ZNF385D: variants seen among roughly 807,000 people sequenced by gnomAD.
ZNF385D encodes zinc finger protein 659.
A neutral mutation model predicts 35.8 loss-of-function variants in ZNF385D; 15 were observed. The observed-to-expected ratio is 0.42, with a 90% CI of 0.28 to 0.64. ZNF385D has a LOEUF of 0.64. ZNF385D is among the 30% of genes least tolerant of loss of function. ZNF385D has a pLI of 0.23. For synonymous variants in ZNF385D, 212 were observed against 186.8 expected (o/e 1.13, Z -1.10); for missense variants, 474 against 494.6 (o/e 0.96, Z 0.39).
At chr3:22,202,284 G>T (rs934458266) in intron 2 of ZNF385D, among the ~76,000 whole-genome samples, 1 of 152,024 alleles carries the variant, frequency 6.6e-6, no homozygotes, top group African/African-American at 2.4e-5. Flanking sequence ...CATTGTAAAA[G>T]GTCTTTGGAA....
At chr3:22,017,772 C>T (rs1409325214) in intron 3 of ZNF385D, among the ~76,000 whole-genome samples, 1 of 151,892 alleles carries the variant, frequency 6.6e-6, no homozygotes, top group Non-Finnish European at 1.5e-5. Context: ...AATTCTAGCA[C>T]ACCTTGTTTC....
At chr3:22,250,136 T>C (rs1420521294) in intron 2 of ZNF385D, among the ~76,000 whole-genome samples, 2 of 152,156 alleles carry the variant, frequency 1.3e-5, no homozygotes, top group Non-Finnish European at 2.9e-5. Flanking sequence ...AACTTCAAGG[T>C]ATCTTCCCCC....
intron 3 of ZNF385D, among the ~76,000 whole-genome samples, chr3:22,141,025 C>T (rs1465779234): frequency 6.6e-6 from 1 of 152,128 alleles, no homozygotes; most frequent in African/African-American, 2.4e-5. Context: ...GGATTCATGT[C>T]CTGAGCAATT....
chr3:22,072,599 T>A (rs1700281583), intron 3 of ZNF385D, among the ~76,000 whole-genome samples: 1 of 151,928 alleles, frequency 6.6e-6, no homozygotes. Flanking sequence ...GGTATATTGT[T>A]ATATTACCTA....
chr3:21,925,680 A>C (rs1700691114), intron 3 of ZNF385D, among the ~76,000 whole-genome samples: 1 of 152,170 alleles, frequency 6.6e-6, no homozygotes, highest in Non-Finnish European at 1.5e-5. Flanking sequence ...AAAGATGTTG[A>C]GTGGATAACC....
At chr3:21,553,406 G>A (rs1289116746) in intron 3 of ZNF385D, among the ~76,000 whole-genome samples, 1 of 152,116 alleles carries the variant, frequency 6.6e-6, no homozygotes, top group Admixed American at 6.6e-5. Context: ...AAAATACAAT[G>A]TATATACTTT....
intron 1 of ZNF385D, among the ~76,000 whole-genome samples, chr3:21,687,819 A>G (rs2067155640): frequency 6.6e-6 from 1 of 152,180 alleles, no homozygotes; most frequent in Non-Finnish European, 1.5e-5. Context: ...TACAATTTTG[A>G]TTTGTTTCAT....
intron 2 of ZNF385D, among the ~76,000 whole-genome samples, chr3:22,332,524 G>T (rs1694985933): frequency 6.6e-6 from 1 of 152,090 alleles, no homozygotes; most frequent in Non-Finnish European, 1.5e-5. Context: ...AAACAGGTTT[G>T]TATTAAAAGA....
At chr3:22,053,129 T>A (rs1229704474) in intron 3 of ZNF385D, among the ~76,000 whole-genome samples, 1 of 84,356 alleles carries the variant, frequency 1.2e-5, no homozygotes, top group African/African-American at 4.5e-5. Context: ...GATCTCAGAC[T>A]GCTGTGCTAG....
At chr3:22,327,106 A>G (rs1046190812) in intron 2 of ZNF385D, among the ~76,000 whole-genome samples, 2 of 152,204 alleles carry the variant, frequency 1.3e-5, no homozygotes, top group African/African-American at 4.8e-5. Flanking sequence ...AATATTGACT[A>G]AAGTGAATTC....
intron 3 of ZNF385D, among the ~76,000 whole-genome samples, chr3:21,836,720 A>T (rs1044936944): frequency 5.9e-5 from 9 of 152,138 alleles, no homozygotes; most frequent in Non-Finnish European, 1.3e-4. Flanking sequence ...TAAGATTTGA[A>T]TTTTATATAC....
chr3:22,319,359 C>T (rs1224398555), intron 2 of ZNF385D, among the ~76,000 whole-genome samples: 1 of 151,348 alleles, frequency 6.6e-6, no homozygotes, highest in Admixed American at 6.6e-5. Flanking sequence ...AATAAATTAG[C>T]TAAATATTAA....
chr3:22,247,975 T>C (rs1176837443), intron 2 of ZNF385D, among the ~76,000 whole-genome samples: 1 of 152,076 alleles, frequency 6.6e-6, no homozygotes, highest in African/African-American at 2.4e-5. Flanking sequence ...AAAACAAGAA[T>C]TTTGCTGTGA....
chr3:22,230,301 G>A (rs1490856608), intron 2 of ZNF385D, among the ~76,000 whole-genome samples: 2 of 152,126 alleles, frequency 1.3e-5, no homozygotes, highest in African/African-American at 4.8e-5. Flanking sequence ...AAAAAAAGAA[G>A]GAAAATGGGA....
chr3:22,325,849 G>T (rs1454909593), intron 2 of ZNF385D, among the ~76,000 whole-genome samples: 30 of 151,610 alleles, frequency 2.0e-4, no homozygotes, highest in Non-Finnish European at 2.1e-4. Context: ...TTTCTCTAAA[G>T]GTCTGGTAGT....
intron 2 of ZNF385D, among the ~76,000 whole-genome samples, chr3:22,211,124 T>C (rs1559454786): frequency 1.3e-5 from 2 of 151,888 alleles, no homozygotes; most frequent in Non-Finnish European, 2.9e-5. Flanking sequence ...AGAAGGAGTG[T>C]GTTTGCAAAG....
chr3:22,189,694 A>G lies in ZNF385D; in HGVS notation c.107-20659T>C, dbSNP rs528262361. 2.0e-5 allele frequency among the ~76,000 whole-genome samples: 3 copies of G among 152,300 alleles called. No individual in the cohort carries two copies. In the South Asian group the frequency reaches 6.2e-4, roughly 32 times the overall value. On this transcript the variant is annotated intron_variant, in intron 2 of 5. Coordinates refer to the ZNF385D transcript ENST00000494108. ...GTCTTTATCTTCCTGCTCACCACCA[A>G]AAATCTGATATTTTTAGATTTGTAT...
intron 4 of ZNF385D, among the ~76,000 whole-genome samples, chr3:21,491,702 A>T (rs779238854): frequency 2.6e-5 from 4 of 152,138 alleles, no homozygotes; most frequent in Admixed American, 6.6e-5. Context: ...ACATGTTGCC[A>T]ATGGTTGCTT....
intron 2 of ZNF385D, among the ~76,000 whole-genome samples, chr3:22,314,707 C>A (rs1256160279): frequency 6.6e-6 from 1 of 152,090 alleles, no homozygotes; most frequent in Admixed American, 6.6e-5. Flanking sequence ...GGAGTGATAT[C>A]ATCCCCATTG....
Sources: allele counts gnomAD v4.1 joint callset (sites outside exome capture counted in the v4.1 genomes callset), GRCh38; gene constraint gnomAD v4.1.1; transcripts MANE v1.5; gene names NCBI Gene and HGNC (gene_info 2026-07-23, HGNC 2026-07-21).